The following HS3ST3B1 variants were observed in gnomAD, a reference collection of about 807,000 sequenced individuals.
HS3ST3B1 encodes heparan sulfate-glucosamine 3-sulfotransferase 3B1.
HS3ST3B1 carries 13 observed loss-of-function variants against 21.3 expected under a neutral mutation model. That is an observed-to-expected ratio of 0.61 (90% CI 0.40 to 0.97). The LOEUF is 0.97. Among genes scored for constraint, HS3ST3B1 ranks in the 50% least tolerant of loss-of-function variants. The probability of loss-of-function intolerance (pLI) is 0.00; values close to 1 mark genes in which losing one functional copy is unlikely to be tolerated. For missense variants in HS3ST3B1, 459 were observed against 554.8 expected, an observed-to-expected ratio of 0.83 and a Z score of 1.73; for synonymous variants, 234 against 254.8, an observed-to-expected ratio of 0.92 and a Z score of 0.78.
chr17:14,339,648 T>C (rs1910309553), intron 1 of HS3ST3B1, among the ~76,000 whole-genome samples: 1 of 152,198 alleles, frequency 6.6e-6, no homozygotes, highest in African/African-American at 2.4e-5. Flanking sequence ...TTAAAGTAGG[T>C]GATAAAGCAG....
At chr17:14,317,445 G>C (rs568343926) in intron 1 of HS3ST3B1, among the ~76,000 whole-genome samples, 1 of 152,192 alleles carries the variant, frequency 6.6e-6, no homozygotes, top group Non-Finnish European at 1.5e-5. Flanking sequence ...CACCATTTTG[G>C]TCGAGGGGCC....
chr17:14,342,970 G>A (rs568132005), intron 1 of HS3ST3B1, among the ~76,000 whole-genome samples: 11 of 152,244 alleles, frequency 7.2e-5, no homozygotes, highest in South Asian at 4.1e-4. Flanking sequence ...ATGGCCGGGA[G>A]CAGTGGCTCA....
At chr17:14,329,311 AAG>A (rs201320045) in intron 1 of HS3ST3B1, 3 of 135,202 alleles carry the variant, frequency 2.2e-5, no homozygotes, top group African/African-American at 5.8e-5. Context: ...GAAAGAGAGA[AAG>A]AGAGAAAGAA....
At chr17:14,317,433 C>G (rs1909533778) in intron 1 of HS3ST3B1, among the ~76,000 whole-genome samples, 1 of 152,192 alleles carries the variant, frequency 6.6e-6, no homozygotes, top group Non-Finnish European at 1.5e-5. Context: ...CCTCAAAGAA[C>G]TCACCATTTT....
chr17:14,330,584 T>TGTGTGTGTGTG (rs1555549603), intron 1 of HS3ST3B1, among the ~76,000 whole-genome samples: 2 of 151,112 alleles, frequency 1.3e-5, no homozygotes, highest in Non-Finnish European at 1.5e-5. Context: ...TGTGTGTGTG[T>TGTGTGTGTGTG]TGCTTGCGGG....
intron 1 of HS3ST3B1, among the ~76,000 whole-genome samples, chr17:14,324,911 C>T (rs559647167): frequency 6.6e-6 from 1 of 152,094 alleles, no homozygotes; most frequent in Non-Finnish European, 1.5e-5. Context: ...ACCATTAAGG[C>T]GATTCTTAAA....
Position 14,301,085 on chromosome 17 carries a change from T to G in HS3ST3B1, c.-434T>G. The G allele has an allele frequency of 5.6e-6, 1 of 177,382 alleles. No individual in the cohort carries two copies. The highest frequency in any genetic ancestry group is 1.2e-5 in the Non-Finnish European group (1 of 85,584). The allele number at this position is 177,382 out of a possible 1,614,324, so 11.0% of individuals were successfully genotyped here. A position where few individuals can be genotyped will look rare whatever the true frequency, so the allele number is the denominator to read the frequency against. On this transcript the variant is annotated 5_prime_UTR_variant, in exon 1 of 2. Coordinates refer to ENST00000360954, the MANE Select transcript of HS3ST3B1 (RefSeq NM_006041.3). Reference sequence around the variant, plus strand: ...GGTCCACAGCTCTCTTCCTGCGCAGTTCGCCTCTGCAGCCTCTGCGGGGAA... The same window carrying G: ...GGTCCACAGCTCTCTTCCTGCGCAGGTCGCCTCTGCAGCCTCTGCGGGGAA...
chr17:14,338,444 GGTTT>G (rs1409338302), intron 1 of HS3ST3B1, among the ~76,000 whole-genome samples: 1 of 150,926 alleles, frequency 6.6e-6, no homozygotes, highest in Non-Finnish European at 1.5e-5. Flanking sequence ...TCTTTGTTTT[GGTTT>G]GTTTGTTTTT....
chr17:14,319,152 CTAAGTGATTG>C (rs1909584036), intron 1 of HS3ST3B1, among the ~76,000 whole-genome samples: 2 of 152,192 alleles, frequency 1.3e-5, no homozygotes, highest in South Asian at 4.1e-4. Flanking sequence ...AAGGTGCCTC[CTAAGTGATTG>C]CAAGCTCAAG....
chr17:14,347,034 T>C lies in HS3ST3B1; in HGVS notation c.*1388T>C, dbSNP rs1910601480. ...AGAGGAAGGAGTCTGACACCTCAGC[T>C]TGATGCGTCTTTGGAATTCCTAGCT... On this transcript the variant is annotated 3_prime_UTR_variant, in exon 2 of 2. Coordinates refer to ENST00000360954, the MANE Select transcript of HS3ST3B1 (RefSeq NM_006041.3). 1 of 152,238 alleles carries C rather than the reference T, an allele frequency of 6.6e-6. No homozygotes were observed. The highest frequency in any genetic ancestry group is 2.4e-5 in the African/African-American group (1 of 41,452). The allele number at this position is 152,238 out of a possible 1,614,324, so 9.4% of individuals were successfully genotyped here. A position where few individuals can be genotyped will look rare whatever the true frequency, so the allele number is the denominator to read the frequency against.
intron 1 of HS3ST3B1, among the ~76,000 whole-genome samples, chr17:14,315,558 C>T (rs1909470278): frequency 6.6e-6 from 1 of 152,182 alleles, no homozygotes; most frequent in South Asian, 2.1e-4. Context: ...TGTGGTGGCT[C>T]ATGCCTGTAA....
At chr17:14,312,682 C>G (rs1273645503) in intron 1 of HS3ST3B1, among the ~76,000 whole-genome samples, 2 of 151,976 alleles carry the variant, frequency 1.3e-5, no homozygotes, top group East Asian at 1.9e-4. Context: ...CTCCCATCCC[C>G]TCCTCTACCA....
At chr17:14,306,471 T>C (rs1407107978) in intron 1 of HS3ST3B1, among the ~76,000 whole-genome samples, 3 of 152,236 alleles carry the variant, frequency 2.0e-5, no homozygotes, top group African/African-American at 7.2e-5. Flanking sequence ...CCAAATCAAG[T>C]TCATAATTAA....
At chr17:14,305,197 G>T (rs1189376232) in intron 1 of HS3ST3B1, 1 of 152,280 alleles carries the variant, frequency 6.6e-6, no homozygotes, top group African/African-American at 2.4e-5. Flanking sequence ...TGGAACTCCA[G>T]TTGGTTTTAG....
At chr17:14,307,688 A>G (rs1909180158) in intron 1 of HS3ST3B1, among the ~76,000 whole-genome samples, 1 of 152,198 alleles carries the variant, frequency 6.6e-6, no homozygotes, top group African/African-American at 2.4e-5. Context: ...CTGCTTGCCG[A>G]CTGGTTTCTA....
At chr17:14,341,692 T>A (rs1910389029) in intron 1 of HS3ST3B1, among the ~76,000 whole-genome samples, 1 of 152,156 alleles carries the variant, frequency 6.6e-6, no homozygotes, top group South Asian at 2.1e-4. Flanking sequence ...GAGATACCCC[T>A]AAACCCCCTT....
intron 1 of HS3ST3B1, among the ~76,000 whole-genome samples, chr17:14,305,780 G>GGTA (rs1274395514): frequency 6.6e-6 from 1 of 152,078 alleles, no homozygotes; most frequent in African/African-American, 2.4e-5. Flanking sequence ...AATAAATGGT[G>GGTA]GTAGCTAACA....
At chr17:14,338,371 A>G (rs543072332) in intron 1 of HS3ST3B1, among the ~76,000 whole-genome samples, 1 of 151,638 alleles carries the variant, frequency 6.6e-6, no homozygotes, top group South Asian at 2.1e-4. Context: ...TGATCTGCCC[A>G]CCTTGGCCTC....
intron 1 of HS3ST3B1, among the ~76,000 whole-genome samples, chr17:14,344,240 C>T (rs4792473): frequency 0.76 from 116,152 of 152,096 alleles, 44,683 homozygotes; most frequent in East Asian, 0.97. Context: ...TGTTTTATAA[C>T]TTCAGCTTTT....
Sources: gnomAD v4.1 joint callset for allele counts (sites outside exome capture counted in the v4.1 genomes callset) on GRCh38, gnomAD v4.1.1 for gene constraint, MANE v1.5 for transcripts, NCBI Gene and HGNC (gene_info 2026-07-23, HGNC 2026-07-21) for gene names.